The following RWDD4 variants were observed in gnomAD, a reference collection of about 807,000 sequenced individuals.
RWDD4 encodes RWD domain-containing protein 4.
In RWDD4, 16 loss-of-function variants were observed where a neutral mutation model predicts 30.0. The ratio of observed to expected loss-of-function variants is 0.53; its 90% CI spans 0.36 to 0.81. RWDD4 has a LOEUF of 0.81. RWDD4 is among the 30% of genes least tolerant of loss of function. The pLI is 0.00. For synonymous variants in RWDD4, 45 were observed against 72.1 expected, an observed-to-expected ratio of 0.62 and a Z score of 1.90; for missense variants, 170 against 223.9, an observed-to-expected ratio of 0.76 and a Z score of 1.54.
intron 5 of RWDD4, 90 bp downstream of exon 5, chr4:183,649,361 C>T: frequency 1.3e-6 from 1 of 777,298 alleles, no homozygotes. Flanking sequence ...CTGCAGTGAG[C>T]TGAGATCATG....
chr4:183,651,150 A>G lies in RWDD4; in HGVS notation c.216-19T>C. The stretch of plus-strand genomic sequence containing the variant: ...TGATGATCTACAATGCACAACAAAA[A>G]TACCTTGCTGAGAGAAAAGTATAAC... On this transcript the variant is annotated intron_variant, in intron 3 of 7. Transcript: ENST00000326397. 1 of 1,613,958 alleles carries G rather than the reference A, an allele frequency of 6.2e-7. No homozygotes were observed. Among genetic ancestry groups the G allele is most frequent in the East Asian group, 2.2e-5 (1 of 44,846 alleles).
In RWDD4 at chr4:183,642,341, T is replaced by C. The variant is rs375852578; in HGVS notation, c.535-873A>G. On this transcript the variant is annotated intron_variant, in intron 7 of 7. Coordinates refer to ENST00000326397, the MANE Select transcript of RWDD4 (RefSeq NM_152682.4). ...AGTAGCTGGGACTACAGGCGCCCGC[T>C]ACCACGCCCGGCTAATTTTTTGTAT... Among the ~76,000 whole-genome samples the C allele has an allele frequency of 2.9e-3, 349 of 122,214 alleles. 52 individuals are homozygous for C. The highest frequency in any genetic ancestry group is 0.014 in the East Asian group (61 of 4,248). 80.2% of individuals were successfully genotyped at this position (122,214 alleles called of 152,430 possible).
intron 5 of RWDD4, among the ~76,000 whole-genome samples, chr4:183,648,368 G>A (rs1432289262): frequency 2.0e-5 from 3 of 152,056 alleles, no homozygotes; most frequent in Admixed American, 6.5e-5. Context: ...AAATGTGCAA[G>A]TACACAAATG....
chr4:183,641,223 T>C lies in RWDD4; in HGVS notation c.*213A>G. 2 of 593,912 alleles carry C rather than the reference T, an allele frequency of 3.4e-6. No individual in the cohort carries two copies. Among genetic ancestry groups the C allele is most frequent in the Non-Finnish European group, 6.0e-6 (2 of 330,842 alleles). 36.8% of individuals were successfully genotyped at this position (593,912 alleles called of 1,614,324 possible). A position where few individuals can be genotyped will look rare whatever the true frequency, so the allele number is the denominator to read the frequency against. ...TCATAAAGTATACTAAACAGTAACATTTTCACCTTTTATTAAGGCAAGTTT... is the reference window on the plus strand; with the variant it reads ...TCATAAAGTATACTAAACAGTAACACTTTCACCTTTTATTAAGGCAAGTTT... On this transcript the variant is annotated 3_prime_UTR_variant, in exon 8 of 8. Coordinates refer to ENST00000326397, the MANE Select transcript of RWDD4 (RefSeq NM_152682.4).
At position 183,641,287 on chromosome 4, in the gene RWDD4, T is replaced by C; in HGVS notation, c.*149A>G. 1 of 696,232 alleles carries C rather than the reference T, an allele frequency of 1.4e-6. No homozygotes were observed. Among genetic ancestry groups the C allele is most frequent in the East Asian group, 2.6e-5 (1 of 39,204 alleles). 43.1% of individuals were successfully genotyped at this position (696,232 alleles called of 1,614,324 possible). ...AATACAACAAGATCTCTTCATGAAC[T>C]TTCAACTTACAACCTTTTTAATGTA... is the stretch of plus-strand genomic sequence containing the variant. On this transcript the variant is annotated 3_prime_UTR_variant, in exon 8 of 8. Coordinates refer to ENST00000326397, the MANE Select transcript of RWDD4 (RefSeq NM_152682.4).
In RWDD4 at chr4:183,642,360, TTTGTATTTTTA is replaced by T. The variant is rs1561007894; in HGVS notation, c.535-903_535-893del. On this transcript the variant is annotated intron_variant, in intron 7 of 7. Coordinates refer to ENST00000326397, the MANE Select transcript of RWDD4 (RefSeq NM_152682.4). ...GCCCGCTACCACGCCCGGCTAATTT[TTTGTATTTTTA>T]GTAGAGACGGGGTTTCACCGTGTTA... 1.4e-4 allele frequency among the ~76,000 whole-genome samples: 14 copies of T among 98,644 alleles called. 7 individuals carry two copies. Among genetic ancestry groups the T allele is most frequent in the East Asian group, 6.1e-4 (2 of 3,304 alleles). The allele number at this position is 98,644 out of a possible 152,430, so 64.7% of individuals were successfully genotyped here.
At position 183,654,803 on chromosome 4, in the gene RWDD4, GA is replaced by G. The variant is rs1258056316; in HGVS notation, c.105+1077del. ...TAAGCTTGAAAGGGAATTGAGAACA[GA>G]AACTTATTTTCTGTGATGGTCATCC... On this transcript the variant is annotated intron_variant, in intron 2 of 7. Transcript: ENST00000326397. Among the ~76,000 whole-genome samples the G allele has an allele frequency of 1.1e-4, 17 of 152,274 alleles. No homozygotes were observed. In the South Asian group the frequency reaches 3.3e-3, roughly 30 times the overall value.
In RWDD4 at chr4:183,649,501, T is replaced by C; in HGVS notation, c.431A>G (p.Lys144Arg). 1 of 1,613,590 alleles carries C rather than the reference T, an allele frequency of 6.2e-7. No individual in the cohort carries two copies. The highest frequency in any genetic ancestry group is 1.7e-5 in the Admixed American group (1 of 60,010). ...CTGGGCTTTTGAAAGTTGTTCTTTT[T>C]TGTCTTTTTTCTTACTTGATGGGGC... Reference protein sequence around the residue: ...NTAPSSKKKDKKEQLSKAQKR... With the variant: ...NTAPSSKKKDRKEQLSKAQKR... The change falls in exon 5 of 8, where the codon AAA becomes AGA. Residue 144 changes from lysine (K) to arginine (R), a missense_variant. Physicochemically the swap from Lys to Arg is conservative, Grantham distance 26. Transcript: ENST00000326397.
intron 7 of RWDD4, among the ~76,000 whole-genome samples, chr4:183,644,379 G>A (rs1241440840): frequency 6.6e-6 from 1 of 152,176 alleles, no homozygotes. Context: ...CCAACTCCCA[G>A]GAAATATTTT....
intron 7 of RWDD4, 89 bp downstream of exon 7, chr4:183,646,262 C>T (rs1733963877): frequency 2.7e-6 from 2 of 737,072 alleles, no homozygotes; most frequent in Non-Finnish European, 2.4e-6. Flanking sequence ...TTAACTTCTG[C>T]AAATTTTCCA....
At chr4:183,657,118 G>C (rs905064514) in intron 1 of RWDD4, among the ~76,000 whole-genome samples, 1 of 152,212 alleles carries the variant, frequency 6.6e-6, no homozygotes, top group Non-Finnish European at 1.5e-5. Flanking sequence ...GACCTAGTAA[G>C]TATATGAAAA....
At chr4:183,649,426 G>T (rs887594546) in intron 5 of RWDD4, 25 bp downstream of exon 5, 15 of 1,457,036 alleles carry the variant, frequency 1.0e-5, no homozygotes, top group Non-Finnish European at 1.4e-5. Flanking sequence ...AAAAAGAAAA[G>T]AAAAGAAAAG....
intron 7 of RWDD4, 81 bp downstream of exon 7, chr4:183,646,270 C>G (rs1733963969): frequency 4.0e-6 from 3 of 749,226 alleles, no homozygotes; most frequent in African/African-American, 3.6e-5. Flanking sequence ...TGCAAATTTT[C>G]CATTACTTAA....
At chr4:183,641,992 A>T (rs1733864674) in intron 7 of RWDD4, among the ~76,000 whole-genome samples, 1 of 151,924 alleles carries the variant, frequency 6.6e-6, no homozygotes, top group South Asian at 2.1e-4. Flanking sequence ...GGGGTTGGCA[A>T]ATTTGGGGTA....
chr4:183,650,903 A>G, intron 4 of RWDD4, 81 bp downstream of exon 4: 1 of 1,410,866 alleles, frequency 7.1e-7, no homozygotes, highest in Non-Finnish European at 9.7e-7. Context: ...TTTTGAATAT[A>G]TATTAAGTAG....
chr4:183,652,634 A>G (rs1734104501), intron 2 of RWDD4, among the ~76,000 whole-genome samples: 1 of 152,064 alleles, frequency 6.6e-6, no homozygotes, highest in African/African-American at 2.4e-5. Flanking sequence ...ACATGGTGAA[A>G]CCCCATCTCT....
intron 2 of RWDD4, 85 bp downstream of exon 2, chr4:183,655,796 G>A (rs761566908): frequency 3.9e-6 from 3 of 762,958 alleles, no homozygotes; most frequent in Non-Finnish European, 6.6e-6. Flanking sequence ...ATTTAAACAA[G>A]TTTAAAAAAC....
At chr4:183,646,638 A>G in intron 5 of RWDD4, 101 bp from the exon 6 acceptor site, 1 of 1,001,558 alleles carries the variant, frequency 1.0e-6, no homozygotes, top group Non-Finnish European at 1.5e-6. Flanking sequence ...TAGGTTAAAA[A>G]TTTAAATGAC....
intron 2 of RWDD4, among the ~76,000 whole-genome samples, chr4:183,653,174 G>C (rs6841209): frequency 0.067 from 10,126 of 152,252 alleles, 1,113 homozygotes; most frequent in African/African-American, 0.23. Flanking sequence ...AGGAGGCACA[G>C]AAGATCTTCC....
Sources: gnomAD v4.1 joint callset for allele counts (sites outside exome capture counted in the v4.1 genomes callset) on GRCh38, gnomAD v4.1.1 for gene constraint, MANE v1.5 for transcripts, NCBI Gene and HGNC (gene_info 2026-07-23, HGNC 2026-07-21) for gene names.